POMT2: variants seen among roughly 807,000 people sequenced by gnomAD.
POMT2 encodes protein O-mannosyl-transferase 2.
Under a neutral mutation model 100.0 loss-of-function variants are expected in POMT2, and 75 were observed. The observed-to-expected ratio is 0.75, with a 90% CI of 0.62 to 0.91. The LOEUF (loss-of-function observed/expected upper bound fraction) is 0.91, where lower values mean the gene tolerates loss of function less well. Ranked by LOEUF, POMT2 falls within the 40% of genes least tolerant of loss-of-function variation. POMT2 has a pLI of 0.00. For missense variants in POMT2, 940 were observed against 955.1 expected (o/e 0.98, Z 0.21); for synonymous variants, 378 against 374.1 (o/e 1.01, Z -0.12).
Position 77,320,667 on chromosome 14 carries a change from C to T in POMT2, c.15G>A (p.Thr5=). The change falls in exon 1 of 21, where the codon ACG becomes ACA. Residue 5 remains threonine, a synonymous_variant. Coordinates refer to ENST00000261534, the MANE Select transcript of POMT2 (RefSeq NM_013382.7). Reference sequence around the variant, plus strand: ...GCTCGGACTCTGCCAGGCCTCCGCCCGTGGCCGGCGGCATCTTCCCCCTCC... The same window carrying T: ...GCTCGGACTCTGCCAGGCCTCCGCCTGTGGCCGGCGGCATCTTCCCCCTCC... MPPA[T]GGGLAESELR... 1 of 1,593,398 alleles carries T rather than the reference C, an allele frequency of 6.3e-7. No homozygotes were observed.
In POMT2 at chr14:77,278,455, G is replaced by A. The variant is rs76700503; in HGVS notation, c.2086C>T (p.Pro696Ser). 49 of 1,505,764 alleles carry A rather than the reference G, an allele frequency of 3.3e-5. No homozygotes were observed. The highest frequency in any genetic ancestry group is 4.2e-5 in the Non-Finnish European group (46 of 1,105,694). The allele number at this position is 1,505,764 out of a possible 1,614,324, so 93.3% of individuals were successfully genotyped here. The part of the protein sequence containing the change: ...RLCAWGLASW[P>S]LARGIHVAGI... The stretch of plus-strand genomic sequence containing the variant: ...GCCACATGTATGCCCCTCGCCAGGG[G>A]CCATGAGGCCAAGCCCCAGGCACAG... Residue 696 changes from proline (P) to serine (S), a missense_variant, in exon 20 of 21, where the codon CCC (proline) becomes TCC (serine). Coordinates refer to ENST00000261534, the MANE Select transcript of POMT2 (RefSeq NM_013382.7).
chr14:77,291,052 C>T (rs113610863), intron 10 of POMT2, among the ~76,000 whole-genome samples: 15 of 151,920 alleles, frequency 9.9e-5, no homozygotes, highest in African/African-American at 3.4e-4. Context: ...ATCTGGGCTC[C>T]GCTATCTGTC....
At chr14:77,305,303 T>G (rs992114643) in intron 3 of POMT2, among the ~76,000 whole-genome samples, 4 of 152,216 alleles carry the variant, frequency 2.6e-5, no homozygotes, top group African/African-American at 9.6e-5. Context: ...ATTTTGATTT[T>G]GGGAAAAGGG....
intron 11 of POMT2, among the ~76,000 whole-genome samples, chr14:77,288,195 T>C (rs922372913): frequency 5.3e-5 from 8 of 152,240 alleles, no homozygotes; most frequent in African/African-American, 1.9e-4. Context: ...GGATTCCTCA[T>C]TTCACTTAGG....
chr14:77,296,346 C>A, intron 8 of POMT2, 73 bp from the exon 9 acceptor site: 1 of 1,081,998 alleles, frequency 9.2e-7, no homozygotes, highest in Non-Finnish European at 1.4e-6. Context: ...CGAGGAGCCT[C>A]GGAAGCCACA....
At chr14:77,280,921 G>A (rs7145946) in intron 15 of POMT2, among the ~76,000 whole-genome samples, 36,881 of 151,822 alleles carry the variant, frequency 0.24, 4,731 homozygotes, top group East Asian at 0.41. Flanking sequence ...GTAAAACCCC[G>A]TCTTTACTAA....
At chr14:77,309,040 G>A (rs561407600) in intron 2 of POMT2, among the ~76,000 whole-genome samples, 57 of 152,334 alleles carry the variant, frequency 3.7e-4, no homozygotes, top group African/African-American at 1.3e-3. Context: ...AATGTGGAAA[G>A]AAGATATATC....
Position 77,302,808 on chromosome 14 carries a change from T to G in POMT2, c.656+27A>C, listed in dbSNP as rs752195401. ...TTGGAGTTGCCACAGCTTCCAACCCTCCCCTCCCGGGGATGGAGTTTCTGA... is the reference window on the plus strand; with the variant it reads ...TTGGAGTTGCCACAGCTTCCAACCCGCCCCTCCCGGGGATGGAGTTTCTGA... On this transcript the variant is annotated intron_variant, in intron 5 of 20. Coordinates refer to ENST00000261534, the MANE Select transcript of POMT2 (RefSeq NM_013382.7). 8.2e-6 allele frequency: 13 copies of G among 1,584,112 alleles called. 1 individual carries two copies. In the South Asian group the frequency reaches 1.2e-4, roughly 15 times the overall value.
chr14:77,280,051 T>C lies in POMT2; in HGVS notation c.1755A>G (p.Thr585=). 1 of 1,613,880 alleles carries C rather than the reference T, an allele frequency of 6.2e-7. No homozygotes were observed. The highest frequency in any genetic ancestry group is 8.5e-7 in the Non-Finnish European group (1 of 1,179,974). ...TGCCAAGCAGATAGACTCGGAAATC[T>C]GTGTCATTGACCCCTGAGAAGCGTA... is the stretch of plus-strand genomic sequence containing the variant. The part of the protein sequence containing the change: ...QGLRFSGVND[T]DFRVYLLGNP... Residue 585 remains threonine, a synonymous_variant, in exon 17 of 21, where the codon ACA becomes ACG. Coordinates refer to ENST00000261534, the MANE Select transcript of POMT2 (RefSeq NM_013382.7).
intron 18 of POMT2, 116 bp from the exon 19 acceptor site, chr14:77,278,985 T>C (rs750030886): frequency 1.5e-5 from 20 of 1,365,402 alleles, no homozygotes; most frequent in South Asian, 5.0e-5. Flanking sequence ...TATCACCTCA[T>C]TGGACCAACC....
intron 6 of POMT2, 128 bp from the exon 7 acceptor site, chr14:77,299,689 G>C: frequency 5.7e-5 from 41 of 717,672 alleles, no homozygotes; most frequent in Non-Finnish European, 6.4e-5. Context: ...AGAGGAGAGA[G>C]AAGAATATGT....
intron 9 of POMT2, among the ~76,000 whole-genome samples, chr14:77,295,631 CAAAAAAAAA>C (rs35870247): frequency 2.4e-5 from 2 of 83,246 alleles, no homozygotes; most frequent in South Asian, 4.2e-4. Context: ...GACTCCATCT[CAAAAAAAAA>C]AAAAAAAAAA....
intron 5 of POMT2, among the ~76,000 whole-genome samples, 185 bp downstream of exon 5, chr14:77,302,648 CTT>C (rs1891083888): frequency 6.6e-6 from 1 of 152,136 alleles, no homozygotes; most frequent in Admixed American, 6.5e-5. Flanking sequence ...CTGTAGAAAA[CTT>C]TTTAAAATCT....
chr14:77,302,772 T>C (rs1036172603), intron 5 of POMT2, 63 bp downstream of exon 5: 2 of 1,385,448 alleles, frequency 1.4e-6, no homozygotes, highest in Non-Finnish European at 2.0e-6. Flanking sequence ...GCCCTGGCCA[T>C]TACAGAAATT....
At chr14:77,308,516 C>T (rs951689449) in intron 2 of POMT2, among the ~76,000 whole-genome samples, 7 of 151,940 alleles carry the variant, frequency 4.6e-5, no homozygotes, top group African/African-American at 9.7e-5. Flanking sequence ...CCACCACGCC[C>T]GGCTAATTTT....
chr14:77,296,013 C>CTGGG, intron 9 of POMT2, 151 bp downstream of exon 9: 1 of 708,444 alleles, frequency 1.4e-6, no homozygotes, highest in Non-Finnish European at 2.5e-6. Flanking sequence ...CCTAGAGAAG[C>CTGGG]TGGGGTTAGC....
intron 1 of POMT2, among the ~76,000 whole-genome samples, chr14:77,318,530 G>T (rs1431211207): frequency 6.6e-6 from 1 of 152,044 alleles, no homozygotes; most frequent in Non-Finnish European, 1.5e-5. Flanking sequence ...GCCTTACTTA[G>T]GTTATGCCTT....
intron 9 of POMT2, among the ~76,000 whole-genome samples, chr14:77,294,884 G>C (rs1315028553): frequency 6.6e-6 from 1 of 152,304 alleles, no homozygotes; most frequent in African/African-American, 2.4e-5. Context: ...CATTTGGAGA[G>C]AGACAACTTT....
chr14:77,288,912 T>C (rs1462567925), intron 10 of POMT2, 81 bp from the exon 11 acceptor site: 46 of 1,196,000 alleles, frequency 3.8e-5, no homozygotes, highest in Non-Finnish European at 5.1e-5. Context: ...TAAACAGTTA[T>C]AGTACCATGT....
Sources: allele counts gnomAD v4.1 joint callset (sites outside exome capture counted in the v4.1 genomes callset), GRCh38; gene constraint gnomAD v4.1.1; transcripts MANE v1.5; gene names NCBI Gene and HGNC (gene_info 2026-07-23, HGNC 2026-07-21).